The following EYS variants were observed in gnomAD, a reference collection of about 807,000 sequenced individuals.
The protein encoded by EYS is protein eyes shut homolog.
In EYS, 250 loss-of-function variants were observed where a neutral mutation model predicts 282.1. That is an observed-to-expected ratio of 0.89 (90% CI 0.80 to 0.98). The LOEUF is 0.98. EYS is among the 50% of genes least tolerant of loss of function. EYS has a pLI of 0.00. For synonymous variants in EYS, 1,355 were observed against 1,282.9 expected (o/e 1.06, Z -1.20); for missense variants, 4,016 against 3,709.0 (o/e 1.08, Z -2.15).
intron 30 of EYS, among the ~76,000 whole-genome samples, chr6:64,279,211 A>C (rs2150360847): frequency 6.6e-6 from 1 of 152,330 alleles, no homozygotes; most frequent in East Asian, 1.9e-4. Context: ...CAGTAAAAGA[A>C]ACATTAATAA....
chr6:63,784,912 G>A (rs1317243521), intron 39 of EYS, among the ~76,000 whole-genome samples: 2 of 152,172 alleles, frequency 1.3e-5, no homozygotes, highest in African/African-American at 4.8e-5. Context: ...AGGGAAGGGT[G>A]AGTAGTCAAA....
chr6:65,375,375 A>T (rs575735399), intron 8 of EYS, among the ~76,000 whole-genome samples: 2 of 152,248 alleles, frequency 1.3e-5, no homozygotes, highest in South Asian at 4.1e-4. Flanking sequence ...CAGAAACCCC[A>T]TCAAAAGGTC....
rs56710433 is a variant in EYS at position 64,475,550 on chromosome 6, CAAA to C, written c.5645-36201_5645-36199del. Among the ~76,000 whole-genome samples the C allele has an allele frequency of 1.1e-4, 5 of 43,888 alleles. No homozygotes were observed. The South Asian group carries it at 3.0e-3, about 27-fold the overall frequency. 28.8% of individuals were successfully genotyped at this position (43,888 alleles called of 152,430 possible). A position where few individuals can be genotyped will look rare whatever the true frequency, so the allele number is the denominator to read the frequency against. Reference sequence around the variant, plus strand: ...TGGGCGACAGAGCGAGACTCCGTCTCAAAAAAAAAAAAAAAAAAAAAAAGAAAA... The same window carrying C: ...TGGGCGACAGAGCGAGACTCCGTCTCAAAAAAAAAAAAAAAAAAAAGAAAA... On this transcript the variant is annotated intron_variant, in intron 26 of 42. Transcript: ENST00000503581.
At chr6:63,842,012 G>A (rs1307225745) in intron 36 of EYS, among the ~76,000 whole-genome samples, 1 of 152,118 alleles carries the variant, frequency 6.6e-6, no homozygotes, top group African/African-American at 2.4e-5. Context: ...TATCATTGAT[G>A]GGCATTCAGG....
At position 65,706,131 on chromosome 6, in the gene EYS, A is replaced by T. The variant is rs1769868810; in HGVS notation, c.-448+1004T>A. Among the ~76,000 whole-genome samples the T allele has an allele frequency of 2.0e-5, 3 of 151,868 alleles. No individual in the cohort carries two copies. In the South Asian group the frequency reaches 6.2e-4, roughly 32 times the overall value. ...CATATGTATTTTAGAAATCACATTT[A>T]ATAATTTTAGGCAGAATGATTGATA... On this transcript the variant is annotated intron_variant, in intron 1 of 42. Coordinates refer to ENST00000503581, the MANE Select transcript of EYS (RefSeq NM_001142800.2).
rs144797450 is a variant in EYS at position 65,355,338 on chromosome 6, C to T, written c.1300-1721G>A. On this transcript the variant is annotated intron_variant, in intron 8 of 42. Coordinates refer to ENST00000503581, the MANE Select transcript of EYS (RefSeq NM_001142800.2). The stretch of plus-strand genomic sequence containing the variant: ...GACTTATTCATGTAACTAAAAACCA[C>T]CTGTACCCCCAAAAGTATTGAAATA... Among the ~76,000 whole-genome samples, 976 of 152,082 alleles carry T rather than the reference C, an allele frequency of 6.4e-3. 18 individuals are homozygous for T. Among genetic ancestry groups the T allele is most frequent in the African/African-American group, 0.022 (912 of 41,518 alleles).
intron 12 of EYS, among the ~76,000 whole-genome samples, chr6:65,111,926 G>A (rs952191292): frequency 6.6e-6 from 1 of 151,944 alleles, no homozygotes; most frequent in Non-Finnish European, 1.5e-5. Flanking sequence ...ATTTCATTAT[G>A]TTCATCTCCC....
intron 30 of EYS, among the ~76,000 whole-genome samples, chr6:64,306,733 G>T (rs1377422890): frequency 6.6e-6 from 1 of 151,940 alleles, no homozygotes; most frequent in African/African-American, 2.4e-5. Context: ...TTTGTTGGAT[G>T]GTATATTTTA....
At chr6:64,558,270 TCTTATA>T (rs1227961625) in intron 26 of EYS, among the ~76,000 whole-genome samples, 2 of 152,122 alleles carry the variant, frequency 1.3e-5, no homozygotes, top group Admixed American at 1.3e-4. Context: ...TTAAAAATAC[TCTTATA>T]CTTTTGCTGT....
At chr6:65,459,942 C>CGT (rs371551367) in intron 5 of EYS, among the ~76,000 whole-genome samples, 28 of 106,872 alleles carry the variant, frequency 2.6e-4, no homozygotes, top group South Asian at 3.1e-4. Context: ...TTTTCTGGTG[C>CGT]GTGTGTGTGT....
intron 23 of EYS, among the ~76,000 whole-genome samples, chr6:64,619,813 C>T (rs939509274): frequency 6.6e-5 from 10 of 152,074 alleles, no homozygotes; most frequent in African/African-American, 2.4e-4. Context: ...TACAGGATTA[C>T]ATTTTTGAAG....
chr6:63,758,624 T>C (rs756143948), intron 41 of EYS, among the ~76,000 whole-genome samples: 2 of 152,116 alleles, frequency 1.3e-5, no homozygotes, highest in Non-Finnish European at 2.9e-5. Flanking sequence ...ACCATTTGCC[T>C]TGTGATATTC....
Position 64,097,951 on chromosome 6 carries a change from A to G in EYS, c.6425-15949T>C, listed in dbSNP as rs116261896. On this transcript the variant is annotated intron_variant, in intron 31 of 42. Transcript: ENST00000503581. The stretch of plus-strand genomic sequence containing the variant: ...AGAATACCTCATGAATACTAGGAAA[A>G]TACAAATTTCAATCACTATTAGGTA... Among the ~76,000 whole-genome samples, 701 of 152,346 alleles carry G rather than the reference A, an allele frequency of 4.6e-3. 4 individuals carry two copies. Among genetic ancestry groups the G allele is most frequent in the African/African-American group, 0.016 (670 of 41,584 alleles).
rs547865978 is a variant in EYS, at chr6:65,513,509, A to G, written c.-332-17516T>C. ...CCAAAAAAGAGAATTTTAGACCAAT[A>G]TCCTTGATGAACATTGATGCAAAAA... On this transcript the variant is annotated intron_variant, in intron 2 of 42. Coordinates refer to ENST00000503581, the MANE Select transcript of EYS (RefSeq NM_001142800.2). Among the ~76,000 whole-genome samples, 139 of 152,182 alleles carry G rather than the reference A, an allele frequency of 9.1e-4. 2 individuals are homozygous for G. The highest frequency in any genetic ancestry group is 3.4e-3 in the Middle Eastern group (1 of 292).
At chr6:63,923,938 T>C (rs1342780640) in intron 35 of EYS, among the ~76,000 whole-genome samples, 1 of 152,186 alleles carries the variant, frequency 6.6e-6, no homozygotes, top group African/African-American at 2.4e-5. Context: ...AAATCCTTTA[T>C]CTTAATTTCT....
At chr6:64,218,809 G>A (rs1766007804) in intron 31 of EYS, among the ~76,000 whole-genome samples, 1 of 152,058 alleles carries the variant, frequency 6.6e-6, no homozygotes, top group Admixed American at 6.6e-5. Flanking sequence ...TTCACCCATG[G>A]GTTTATTTAC....
chr6:64,882,244 C>T (rs1384705786), intron 19 of EYS, among the ~76,000 whole-genome samples: 1 of 151,716 alleles, frequency 6.6e-6, no homozygotes, highest in African/African-American at 2.4e-5. Context: ...AAAAGATATT[C>T]AACTCCAAAA....
At chr6:65,369,316 T>TTA (rs72353223) in intron 8 of EYS, among the ~76,000 whole-genome samples, 16 of 81,774 alleles carry the variant, frequency 2.0e-4, no homozygotes, top group African/African-American at 4.3e-4. Flanking sequence ...AATATATATA[T>TTA]TATATATATA....
intron 36 of EYS, among the ~76,000 whole-genome samples, chr6:63,839,416 G>A (rs572283248): frequency 3.3e-5 from 5 of 152,152 alleles, no homozygotes; most frequent in African/African-American, 4.8e-5. Flanking sequence ...AAGATGAATA[G>A]CATTCCATTG....
Sources: gnomAD v4.1 joint callset for allele counts (sites outside exome capture counted in the v4.1 genomes callset) on GRCh38, gnomAD v4.1.1 for gene constraint, MANE v1.5 for transcripts, NCBI Gene and HGNC (gene_info 2026-07-23, HGNC 2026-07-21) for gene names.